ADAM28: variants seen among roughly 807,000 people sequenced by gnomAD.
ADAM28 encodes the protein disintegrin and metalloproteinase domain-containing protein 28.
In ADAM28, 105 loss-of-function variants were observed where a neutral mutation model predicts 101.2. That is an observed-to-expected ratio of 1.04 (90% CI 0.89 to 1.22). The LOEUF (loss-of-function observed/expected upper bound fraction) is 1.22. ADAM28 is among the 50% of genes most tolerant of loss of function. ADAM28 has a pLI of 0.00. For missense variants in ADAM28, 1,028 were observed against 945.4 expected (o/e 1.09, Z -1.15); for synonymous variants, 322 against 310.6 (o/e 1.04, Z -0.39).
intron 14 of ADAM28, 73 bp downstream of exon 14, chr8:24,335,714 T>C: frequency 6.9e-7 from 1 of 1,451,150 alleles, no homozygotes; most frequent in African/African-American, 1.4e-5. Context: ...TTAACCATGG[T>C]CAAAGGACCA....
In ADAM28 at chr8:24,309,876, G is replaced by GT; in HGVS notation, c.151-15dup. 1 of 1,477,926 alleles carries GT rather than the reference G, an allele frequency of 6.8e-7. No homozygotes were observed. Among genetic ancestry groups the GT allele is most frequent in the Non-Finnish European group, 9.4e-7 (1 of 1,063,134 alleles). The allele number at this position is 1,477,926 out of a possible 1,614,324, so 91.6% of individuals were successfully genotyped here. A position where few individuals can be genotyped will look rare whatever the true frequency, so the allele number is the denominator to read the frequency against. ...AATATGTTTTTAATTACAAGTAAAT[G>GT]TTTGTGTATTTTTGCAGGAACAATT... On this transcript the variant is annotated splice_polypyrimidine_tract_variant and intron_variant, in intron 2 of 22. Transcript: ENST00000265769.
At position 24,357,449 on chromosome 8, in the gene ADAM28, AC is replaced by A. The variant is rs2129350168; in HGVS notation, c.*3046del. 1 of 152,322 alleles carries A rather than the reference AC, an allele frequency of 6.6e-6. No homozygotes were observed. The highest frequency in any genetic ancestry group is 1.9e-4 in the East Asian group (1 of 5,184). The allele number at this position is 152,322 out of a possible 1,614,324, so 9.4% of individuals were successfully genotyped here. A position where few individuals can be genotyped will look rare whatever the true frequency, so the allele number is the denominator to read the frequency against. Reference sequence around the variant, plus strand: ...TGGCCTAGGAGGCCTCAGGAAACTTACAATCATGATGAAAGAGGAAGCAGAA... The same window carrying A: ...TGGCCTAGGAGGCCTCAGGAAACTTAAATCATGATGAAAGAGGAAGCAGAA... On this transcript the variant is annotated 3_prime_UTR_variant, in exon 23 of 23. Transcript: ENST00000265769.
intron 5 of ADAM28, among the ~76,000 whole-genome samples, chr8:24,312,635 A>T (rs182035544): frequency 7.1e-4 from 107 of 151,702 alleles, no homozygotes; most frequent in African/African-American, 2.5e-3. Context: ...TTATAATTAT[A>T]TATAAGTACT....
intron 6 of ADAM28, among the ~76,000 whole-genome samples, chr8:24,318,722 T>G (rs906713619): frequency 3.9e-5 from 6 of 151,998 alleles, no homozygotes; most frequent in Non-Finnish European, 8.8e-5. Context: ...TGATTCTCTT[T>G]TTCTTCATCC....
intron 16 of ADAM28, chr8:24,342,821 T>C: frequency 2.7e-6 from 1 of 373,460 alleles, no homozygotes; most frequent in Non-Finnish European, 4.8e-6. Context: ...TCATTATTGC[T>C]TATCCCTTAA....
chr8:24,325,389 A>G (rs1338954805), intron 9 of ADAM28, among the ~76,000 whole-genome samples: 1 of 152,002 alleles, frequency 6.6e-6, no homozygotes, highest in Non-Finnish European at 1.5e-5. Flanking sequence ...AGTTAACAAA[A>G]GAGACCTATA....
At chr8:24,297,166 T>TTTTG (rs372552443) in intron 1 of ADAM28, among the ~76,000 whole-genome samples, 18 of 151,638 alleles carry the variant, frequency 1.2e-4, no homozygotes, top group African/African-American at 2.4e-4. Context: ...TGGGTTTTTT[T>TTTTG]TTGTTGTTGT....
intron 2 of ADAM28, among the ~76,000 whole-genome samples, chr8:24,308,022 C>G (rs911232525): frequency 3.9e-5 from 6 of 152,206 alleles, no homozygotes; most frequent in African/African-American, 1.4e-4. Flanking sequence ...TACAGATTTG[C>G]TCCATCCCAG....
chr8:24,319,755 A>G (rs1028009251), intron 6 of ADAM28, among the ~76,000 whole-genome samples: 2 of 151,864 alleles, frequency 1.3e-5, no homozygotes, highest in African/African-American at 4.8e-5. Flanking sequence ...CTCTGCCTGA[A>G]GAGAACAAAG....
intron 6 of ADAM28, among the ~76,000 whole-genome samples, chr8:24,314,297 G>GT (rs1810869296): frequency 6.6e-6 from 1 of 152,116 alleles, no homozygotes; most frequent in Non-Finnish European, 1.5e-5. Context: ...TTAAAGTGCT[G>GT]TCACAGGTGC....
chr8:24,335,968 C>T, intron 14 of ADAM28: 2 of 1,067,572 alleles, frequency 1.9e-6, no homozygotes, highest in Non-Finnish European at 1.1e-6. Flanking sequence ...TCAAATTAAA[C>T]TGGGTGTCTT....
At chr8:24,331,359 T>C (rs987708436) in intron 12 of ADAM28, 32 bp downstream of exon 12, 13 of 1,566,056 alleles carry the variant, frequency 8.3e-6, no homozygotes, top group Non-Finnish European at 1.1e-5. Context: ...AACGATCTAG[T>C]TGGTTTTTCA....
chr8:24,345,462 C>A (rs771704740), intron 18 of ADAM28, among the ~76,000 whole-genome samples: 1 of 151,812 alleles, frequency 6.6e-6, no homozygotes, highest in Non-Finnish European at 1.5e-5. Flanking sequence ...AATGTTAATT[C>A]TCTTATTACT....
chr8:24,306,388 A>ATATATATATATATATATATAT (rs1197281594), intron 2 of ADAM28, among the ~76,000 whole-genome samples: 1 of 124,024 alleles, frequency 8.1e-6, no homozygotes, highest in Non-Finnish European at 1.7e-5. Context: ...ATATATATTT[A>ATATATATATATATATATATAT]AAAATATATA....
At chr8:24,342,455 C>G (rs1814894534) in intron 16 of ADAM28, among the ~76,000 whole-genome samples, 1 of 152,106 alleles carries the variant, frequency 6.6e-6, no homozygotes, top group Non-Finnish European at 1.5e-5. Context: ...CTCTGAACCC[C>G]TGGAGCTGAA....
intron 6 of ADAM28, among the ~76,000 whole-genome samples, chr8:24,319,041 T>C (rs1055514216): frequency 6.6e-6 from 1 of 152,006 alleles, no homozygotes; most frequent in Non-Finnish European, 1.5e-5. Context: ...CATAGACCTC[T>C]CTGGTCTCCT....
At position 24,354,712 on chromosome 8, in the gene ADAM28, A is replaced by G; in HGVS notation, c.*308A>G. The G allele has an allele frequency of 4.5e-6, 1 of 223,478 alleles. No homozygotes were observed. 13.8% of individuals were successfully genotyped at this position (223,478 alleles called of 1,614,324 possible). ...TTGATTCATTCTCTAATGAAAACAA[A>G]ACATAAAAACATCACACTAATCTTG... On this transcript the variant is annotated 3_prime_UTR_variant, in exon 23 of 23. Coordinates refer to ENST00000265769, the MANE Select transcript of ADAM28 (RefSeq NM_014265.6).
rs182535460 is a variant in ADAM28 at position 24,343,437 on chromosome 8, A to T, written c.1912-69A>T. The T allele has an allele frequency of 7.2e-4, 1,058 of 1,475,048 alleles. 4 individuals carry two copies. Among genetic ancestry groups the T allele is most frequent in the Non-Finnish European group, 5.0e-4 (529 of 1,059,002 alleles). 91.4% of individuals were successfully genotyped at this position (1,475,048 alleles called of 1,614,324 possible). A position where few individuals can be genotyped will look rare whatever the true frequency, so the allele number is the denominator to read the frequency against. ...TTCCTTTTTCTGCATGAACTTTATT[A>T]TGGATGAGTAGGGCCTTGAGTTTCT... On this transcript the variant is annotated intron_variant, in intron 17 of 22. Transcript: ENST00000265769.
chr8:24,336,246 GTTTAAAGAGATATCCGAAAA>G lies in ADAM28; in HGVS notation c.1567+612_1567+631del, dbSNP rs1374166704. 3.4e-6 allele frequency: 3 copies of G among 884,034 alleles called. No homozygotes were observed. In the African/African-American group the frequency reaches 5.5e-5, roughly 16 times the overall value. 54.8% of individuals were successfully genotyped at this position (884,034 alleles called of 1,614,324 possible). A position where few individuals can be genotyped will look rare whatever the true frequency, so the allele number is the denominator to read the frequency against. ...CACCAAGAAAACTTGAAAAATAAAA[GTTTAAAGAGATATCCGAAAA>G]TTTAAACAGCAATTTGTATAGTATT... On this transcript the variant is annotated intron_variant, in intron 14 of 22. Transcript: ENST00000265769.
Sources: allele counts gnomAD v4.1 joint callset (sites outside exome capture counted in the v4.1 genomes callset), GRCh38; gene constraint gnomAD v4.1.1; transcripts MANE v1.5; gene names NCBI Gene and HGNC (gene_info 2026-07-23, HGNC 2026-07-21).